The following POLR3GL variants were observed in gnomAD, a reference collection of about 807,000 sequenced individuals.
POLR3GL encodes the protein DNA-directed RNA polymerase III subunit RPC7-like.
In POLR3GL, 26 loss-of-function variants were observed where a neutral mutation model predicts 32.4. That is an observed-to-expected ratio of 0.80 (90% CI 0.59 to 1.11). POLR3GL has a LOEUF of 1.11. Among genes scored for constraint, POLR3GL ranks in the 50% most tolerant of loss-of-function variants. The probability of loss-of-function intolerance (pLI) is 0.00; values close to 1 mark genes in which losing one functional copy is unlikely to be tolerated. For synonymous variants in POLR3GL, 95 were observed against 98.7 expected, an observed-to-expected ratio of 0.96 and a Z score of 0.22; for missense variants, 229 against 280.1, an observed-to-expected ratio of 0.82 and a Z score of 1.30.
intron 3 of POLR3GL, among the ~76,000 whole-genome samples, 171 bp from the exon 4 acceptor site, chr1:145,976,912 CA>C (rs1214882660): frequency 0.013 from 1,297 of 101,430 alleles, 42 homozygotes; most frequent in African/African-American, 0.047. Flanking sequence ...GACTCTGTCT[CA>C]AAAAAAAAAA....
intron 1 of POLR3GL, among the ~76,000 whole-genome samples, chr1:145,973,613 G>A (rs1209451739): frequency 6.6e-5 from 10 of 151,946 alleles, no homozygotes; most frequent in African/African-American, 2.2e-4. Flanking sequence ...TCAGGAAGCT[G>A]AGGCAGGAGG....
At chr1:145,975,996 G>A (rs1016238989) in intron 3 of POLR3GL, among the ~76,000 whole-genome samples, 2 of 151,880 alleles carry the variant, frequency 1.3e-5, no homozygotes, top group African/African-American at 4.8e-5. Flanking sequence ...CATCATGGCC[G>A]GGTGCGGTGG....
intron 1 of POLR3GL, among the ~76,000 whole-genome samples, chr1:145,965,602 T>C (rs956283956): frequency 7.9e-5 from 12 of 152,180 alleles, no homozygotes; most frequent in Non-Finnish European, 1.8e-4. Flanking sequence ...ATCATGCTGA[T>C]CATAGGGAAT....
intron 1 of POLR3GL, 35 bp from the exon 2 acceptor site, chr1:145,974,790 A>G (rs1650473822): frequency 1.5e-6 from 2 of 1,352,718 alleles, no homozygotes; most frequent in Non-Finnish European, 1.9e-6. Flanking sequence ...CCATTCTACT[A>G]CATTTCTTTT....
chr1:145,974,548 A>G (rs782156985), intron 1 of POLR3GL, among the ~76,000 whole-genome samples: 8 of 152,114 alleles, frequency 5.3e-5, no homozygotes, highest in Non-Finnish European at 5.9e-5. Flanking sequence ...TAAACATCAA[A>G]TTGTCTTAGG....
At chr1:145,969,859 C>T (rs1416269879) in intron 1 of POLR3GL, among the ~76,000 whole-genome samples, 6 of 146,298 alleles carry the variant, frequency 4.1e-5, no homozygotes, top group Admixed American at 1.4e-4. Context: ...GTGGAGGCTG[C>T]GGTGAGCCGA....
intron 1 of POLR3GL, among the ~76,000 whole-genome samples, chr1:145,973,481 G>GC: frequency 6.6e-6 from 1 of 151,280 alleles, no homozygotes; most frequent in East Asian, 2.0e-4. Flanking sequence ...GGAAGCCCAA[G>GC]CAGGTGGATC....
intron 4 of POLR3GL, 81 bp downstream of exon 4, chr1:145,977,233 C>A: frequency 8.2e-7 from 1 of 1,226,558 alleles, no homozygotes; most frequent in Non-Finnish European, 1.2e-6. Context: ...CGCCCATGAC[C>A]CCACCCCATT....
chr1:145,977,962 T>C, intron 6 of POLR3GL, 21 bp from the exon 7 acceptor site: 1 of 1,613,912 alleles, frequency 6.2e-7, no homozygotes, highest in African/African-American at 1.3e-5. Flanking sequence ...GAGTTTCTAT[T>C]CCTATTCATC....
chr1:145,977,626 C>A, intron 5 of POLR3GL, 87 bp downstream of exon 5: 2 of 1,382,564 alleles, frequency 1.4e-6, no homozygotes, highest in Non-Finnish European at 2.1e-6. Flanking sequence ...CACCTTCCAT[C>A]CCAGTTCCTA....
intron 3 of POLR3GL, among the ~76,000 whole-genome samples, 173 bp downstream of exon 3, chr1:145,975,609 C>T (rs1650515845): frequency 6.6e-6 from 1 of 152,216 alleles, no homozygotes; most frequent in African/African-American, 2.4e-5. Flanking sequence ...TTTTGAGTCT[C>T]ATGATAGTCT....
At chr1:145,978,244 T>G (rs1650654902) in intron 7 of POLR3GL, 117 bp from the exon 8 acceptor site, 2 of 1,316,374 alleles carry the variant, frequency 1.5e-6, no homozygotes, top group Admixed American at 4.1e-5. Flanking sequence ...TTCTACAAAC[T>G]ACAGCTGGAA....
chr1:145,977,412 T>C, intron 4 of POLR3GL, 71 bp from the exon 5 acceptor site: 1 of 1,474,846 alleles, frequency 6.8e-7, no homozygotes, highest in Non-Finnish European at 9.5e-7. Flanking sequence ...CACCCCCCTT[T>C]AAAACCAGTC....
In POLR3GL at chr1:145,978,193, C is replaced by T. The variant is rs782376504; in HGVS notation, c.570+97C>T. 6 of 1,512,528 alleles carry T rather than the reference C, an allele frequency of 4.0e-6. No individual in the cohort carries two copies. In the African/African-American group the frequency reaches 5.6e-5, roughly 14 times the overall value. The allele number at this position is 1,512,528 out of a possible 1,614,324, so 93.7% of individuals were successfully genotyped here. Reference sequence around the variant, plus strand: ...GGTTGGCATGCCAACAGAGATAGTGCCCCCCAGGGTAGGGGCTTCTCTCTA... The same window carrying T: ...GGTTGGCATGCCAACAGAGATAGTGTCCCCCAGGGTAGGGGCTTCTCTCTA... On this transcript the variant is annotated intron_variant, in intron 7 of 7. Transcript: ENST00000369314.
At chr1:145,973,463 G>C (rs587761099) in intron 1 of POLR3GL, among the ~76,000 whole-genome samples, 1 of 152,256 alleles carries the variant, frequency 6.6e-6, no homozygotes, top group Non-Finnish European at 1.5e-5. Context: ...TGTAATCCCA[G>C]CACTTTGGGA....
chr1:145,970,124 G>A lies in POLR3GL; in HGVS notation c.-41-4701G>A, dbSNP rs73004691. ...TTTTTTTCACCAACTAATCTCTTGG[G>A]AATTTTGAATTGCTACTTGATTTTT... On this transcript the variant is annotated intron_variant, in intron 1 of 7. Coordinates refer to ENST00000369314, the MANE Select transcript of POLR3GL (RefSeq NM_032305.3). 4.1e-3 allele frequency among the ~76,000 whole-genome samples: 625 copies of A among 152,084 alleles called. 4 individuals carry two copies. Among genetic ancestry groups the A allele is most frequent in the African/African-American group, 0.014 (592 of 41,478 alleles).
In POLR3GL at chr1:145,978,699, G is replaced by A. The variant is rs1445587842; in HGVS notation, c.*252G>A. ...TTGTATGAAGGGAGAAAGGAGAATT[G>A]AAAGAAGAACTGGGGTTGTTAGAGC... On this transcript the variant is annotated 3_prime_UTR_variant, in exon 8 of 8. Coordinates refer to ENST00000369314, the MANE Select transcript of POLR3GL (RefSeq NM_032305.3). 2 of 484,372 alleles carry A rather than the reference G, an allele frequency of 4.1e-6. No homozygotes were observed. The highest frequency in any genetic ancestry group is 3.7e-6 in the Non-Finnish European group (1 of 272,608). The allele number at this position is 484,372 out of a possible 1,614,324, so 30.0% of individuals were successfully genotyped here.
At chr1:145,975,490 G>A in intron 3 of POLR3GL, 54 bp downstream of exon 3, 1 of 1,593,624 alleles carries the variant, frequency 6.3e-7, no homozygotes, top group Non-Finnish European at 8.6e-7. Flanking sequence ...GGAGTGCCCT[G>A]TGCTCAGCAC....
intron 1 of POLR3GL, among the ~76,000 whole-genome samples, chr1:145,970,980 TGGA>T (rs1650261587): frequency 7.5e-6 from 1 of 134,222 alleles, no homozygotes; most frequent in African/African-American, 2.9e-5. Context: ...GGTCGGGAGG[TGGA>T]GACCAGCCTG....
Sources: allele counts gnomAD v4.1 joint callset (sites outside exome capture counted in the v4.1 genomes callset), GRCh38; gene constraint gnomAD v4.1.1; transcripts MANE v1.5; gene names NCBI Gene and HGNC (gene_info 2026-07-23, HGNC 2026-07-21).